The following RASGRP3 variants were observed in gnomAD, a reference collection of about 807,000 sequenced individuals.
RASGRP3 encodes ras guanyl-releasing protein 3.
RASGRP3 carries 54 observed loss-of-function variants against 82.7 expected under a neutral mutation model. The ratio of observed to expected loss-of-function variants is 0.65; its 90% CI spans 0.52 to 0.82. The LOEUF (loss-of-function observed/expected upper bound fraction) is 0.82. Among genes scored for constraint, RASGRP3 ranks in the 40% least tolerant of loss-of-function variants. The pLI is 0.00. For missense variants in RASGRP3, 861 were observed against 828.9 expected (o/e 1.04, Z -0.48); for synonymous variants, 309 against 300.5 (o/e 1.03, Z -0.29).
chr2:33,505,727 AG>A (rs1425613016), intron 1 of RASGRP3, among the ~76,000 whole-genome samples: 1 of 152,194 alleles, frequency 6.6e-6, no homozygotes, highest in Non-Finnish European at 1.5e-5. Context: ...CTTAACTTTG[AG>A]GCATTATTTG....
At chr2:33,480,055 T>C (rs1225428998) in intron 1 of RASGRP3, among the ~76,000 whole-genome samples, 1 of 150,746 alleles carries the variant, frequency 6.6e-6, no homozygotes, top group East Asian at 1.9e-4. Context: ...TTTTTTTTTT[T>C]TTTTTTTGAG....
At chr2:33,504,125 A>G (rs2150985889) in intron 1 of RASGRP3, among the ~76,000 whole-genome samples, 1 of 152,290 alleles carries the variant, frequency 6.6e-6, no homozygotes, top group Middle Eastern at 3.4e-3. Context: ...CAAATTGCAT[A>G]TGTCTATCCT....
chr2:33,505,177 C>CCAT (rs1278890033), intron 1 of RASGRP3, among the ~76,000 whole-genome samples: 1 of 151,774 alleles, frequency 6.6e-6, no homozygotes, highest in Non-Finnish European at 1.5e-5. Flanking sequence ...ACCACCACCA[C>CCAT]CATTATTATC....
At chr2:33,506,871 A>C (rs1310549292) in intron 1 of RASGRP3, among the ~76,000 whole-genome samples, 2 of 152,204 alleles carry the variant, frequency 1.3e-5, no homozygotes, top group Non-Finnish European at 1.5e-5. Context: ...CTTTGCCATA[A>C]GCACCAGGCC....
At chr2:33,495,553 A>G (rs1438858847) in intron 1 of RASGRP3, among the ~76,000 whole-genome samples, 1 of 152,122 alleles carries the variant, frequency 6.6e-6, no homozygotes, top group Non-Finnish European at 1.5e-5. Flanking sequence ...TTACAGGACC[A>G]GGAAGATATT....
At chr2:33,501,898 A>G (rs575986435) in intron 1 of RASGRP3, among the ~76,000 whole-genome samples, 1 of 152,308 alleles carries the variant, frequency 6.6e-6, no homozygotes, top group East Asian at 1.9e-4. Flanking sequence ...AAGAAGTACT[A>G]CACTGCGGCT....
At chr2:33,537,107 G>C (rs1448650302) in intron 11 of RASGRP3, among the ~76,000 whole-genome samples, 1 of 151,922 alleles carries the variant, frequency 6.6e-6, no homozygotes, top group Non-Finnish European at 1.5e-5. Context: ...GACAGAGGTG[G>C]CTCTTAGCAG....
At chr2:33,489,102 T>A (rs764422342) in intron 1 of RASGRP3, among the ~76,000 whole-genome samples, 6 of 152,172 alleles carry the variant, frequency 3.9e-5, no homozygotes, top group Non-Finnish European at 7.4e-5. Context: ...CAGTGGAGTA[T>A]TACTGGCATC....
rs568748273 is a variant in RASGRP3 at position 33,454,476 on chromosome 2, T to A, written c.-261+6533T>A. Among the ~76,000 whole-genome samples, 8 of 152,328 alleles carry A rather than the reference T, an allele frequency of 5.3e-5. No individual in the cohort carries two copies. The South Asian group carries it at 1.7e-3, about 32-fold the overall frequency. ...ATTTGGGCCCCAAGGGCCAGAGACA[T>A]CAAAATGGATTAAGAATATTATAAA... On this transcript the variant is annotated intron_variant, in intron 2 of 18. Coordinates refer to the RASGRP3 transcript ENST00000402538.
chr2:33,442,809 C>T (rs1444419300), intron 1 of RASGRP3, among the ~76,000 whole-genome samples: 1 of 151,970 alleles, frequency 6.6e-6, no homozygotes, highest in Non-Finnish European at 1.5e-5. Flanking sequence ...GAGCCCGTCT[C>T]AGCTTTATTC....
intron 2 of RASGRP3, among the ~76,000 whole-genome samples, chr2:33,452,174 A>G (rs937008381): frequency 1.3e-5 from 2 of 152,104 alleles, no homozygotes; most frequent in African/African-American, 2.4e-5. Flanking sequence ...TAGCTCACTG[A>G]GCTCTGTTAA....
At chr2:33,501,091 C>G (rs1251752266) in intron 1 of RASGRP3, among the ~76,000 whole-genome samples, 1 of 152,216 alleles carries the variant, frequency 6.6e-6, no homozygotes, top group East Asian at 1.9e-4. Context: ...TGCCTTCCCT[C>G]AGTGCCTGGC....
At chr2:33,500,303 C>T (rs1016859769) in intron 1 of RASGRP3, among the ~76,000 whole-genome samples, 4 of 151,998 alleles carry the variant, frequency 2.6e-5, no homozygotes, top group Admixed American at 1.3e-4. Context: ...ACAGGAGTTC[C>T]GCAATCAATC....
intron 2 of RASGRP3, among the ~76,000 whole-genome samples, chr2:33,458,398 G>A (rs948376674): frequency 9.2e-5 from 14 of 152,132 alleles, no homozygotes; most frequent in East Asian, 1.9e-4. Flanking sequence ...GTTTTAGAGC[G>A]TGTTGGCTGG....
intron 13 of RASGRP3, among the ~76,000 whole-genome samples, chr2:33,545,259 C>A (rs1428188431): frequency 6.6e-6 from 1 of 152,222 alleles, no homozygotes; most frequent in Non-Finnish European, 1.5e-5. Flanking sequence ...ATCTTGCTTA[C>A]ATGACACTAA....
intron 13 of RASGRP3, among the ~76,000 whole-genome samples, chr2:33,547,342 C>CTTTTTTTTTTTTTTTTTTTTTT (rs59601670): frequency 1.2e-4 from 8 of 68,208 alleles, no homozygotes; most frequent in East Asian, 1.0e-3. Flanking sequence ...ATATAGAATC[C>CTTTTTTTTTTTTTTTTTTTTTT]TTTTTTTTTT....
intron 17 of RASGRP3, among the ~76,000 whole-genome samples, chr2:33,560,118 T>C (rs1676483551): frequency 6.6e-6 from 1 of 152,234 alleles, no homozygotes; most frequent in African/African-American, 2.4e-5. Context: ...TTTAGTATAC[T>C]TTCAGTATGC....
intron 12 of RASGRP3, among the ~76,000 whole-genome samples, chr2:33,540,661 C>G (rs1330293151): frequency 7.4e-6 from 1 of 134,796 alleles, no homozygotes; most frequent in Admixed American, 7.9e-5. Context: ...GTCTTCCTTA[C>G]CTTTTCTCTC....
intron 1 of RASGRP3, among the ~76,000 whole-genome samples, chr2:33,446,631 T>G (rs1027547708): frequency 2.6e-5 from 4 of 152,046 alleles, no homozygotes; most frequent in Admixed American, 2.0e-4. Context: ...TGTCCAGTTC[T>G]CCTTGGAGAA....
Sources: allele counts gnomAD v4.1 joint callset (sites outside exome capture counted in the v4.1 genomes callset), GRCh38; gene constraint gnomAD v4.1.1; transcripts MANE v1.5; gene names NCBI Gene and HGNC (gene_info 2026-07-23, HGNC 2026-07-21).